DPP6: variants seen among roughly 807,000 people sequenced by gnomAD.
The protein encoded by DPP6 is dipeptidyl peptidase like 6.
A neutral mutation model predicts 122.6 loss-of-function variants in DPP6; 69 were observed. The observed-to-expected ratio is 0.56, with a 90% CI of 0.46 to 0.69. The LOEUF is 0.69. Among genes scored for constraint, DPP6 ranks in the 30% least tolerant of loss-of-function variants. The pLI, the probability that DPP6 is intolerant of heterozygous loss-of-function variation, is 0.00. For missense variants in DPP6, 928 were observed against 1,116.9 expected (o/e 0.83, Z 2.41); for synonymous variants, 418 against 433.1 (o/e 0.97, Z 0.43).
chr7:153,801,319 A>C, the DPP6 span, among the ~76,000 whole-genome samples: 1 of 150,162 alleles, frequency 6.7e-6, no homozygotes, highest in African/African-American at 2.5e-5. Context: ...AAAAATGACC[A>C]TCCATCCTCA....
chr7:154,857,401 C>T (rs944256073), intron 17 of DPP6, among the ~76,000 whole-genome samples: 1 of 152,176 alleles, frequency 6.6e-6, no homozygotes, highest in Admixed American at 6.5e-5. Context: ...GCACGAATGG[C>T]TTTGAGTCCA....
intron 1 of DPP6, among the ~76,000 whole-genome samples, chr7:154,417,372 G>A (rs1053805515): frequency 1.3e-5 from 2 of 152,196 alleles, no homozygotes; most frequent in African/African-American, 4.8e-5. Context: ...CACGTACCAA[G>A]CACTGGAGGT....
chr7:154,223,114 T>G (rs1467605817), intron 1 of DPP6, among the ~76,000 whole-genome samples: 1 of 148,978 alleles, frequency 6.7e-6, no homozygotes, highest in Admixed American at 6.6e-5. Flanking sequence ...TTGGCATTTT[T>G]GCATGTACAA....
the DPP6 span, among the ~76,000 whole-genome samples, chr7:153,813,141 G>A: frequency 6.6e-6 from 1 of 151,874 alleles, no homozygotes; most frequent in Non-Finnish European, 1.5e-5. Context: ...TTAGCATTAG[G>A]TATATCTCCT....
At position 154,446,331 on chromosome 7, in the gene DPP6, A is replaced by G. The variant is rs765362225; in HGVS notation, c.358+3A>G. 2 of 1,604,252 alleles carry G rather than the reference A, an allele frequency of 1.2e-6. No individual in the cohort carries two copies. Among genetic ancestry groups the G allele is most frequent in the Non-Finnish European group, 1.7e-6 (2 of 1,174,574 alleles). ...CTCGGTCATACTTCTGACACCAGGTACTGTATTCATTCTTGGAAAAGCAAG... is the reference window on the plus strand; with the variant it reads ...CTCGGTCATACTTCTGACACCAGGTGCTGTATTCATTCTTGGAAAAGCAAG... On this transcript the variant is annotated splice_donor_region_variant and intron_variant, in intron 2 of 25. Coordinates refer to ENST00000377770, the MANE Select transcript of DPP6 (RefSeq NM_130797.4).
At chr7:154,273,715 A>C (rs184702420) in intron 1 of DPP6, among the ~76,000 whole-genome samples, 61 of 152,330 alleles carry the variant, frequency 4.0e-4, no homozygotes, top group African/African-American at 1.4e-3. Flanking sequence ...AAGTGTAAAG[A>C]GATCAGAAAA....
At chr7:154,130,821 TA>T (rs201499524) in intron 1 of DPP6, among the ~76,000 whole-genome samples, 5 of 150,470 alleles carry the variant, frequency 3.3e-5, no homozygotes, top group African/African-American at 7.3e-5. Flanking sequence ...AGCTCCACAA[TA>T]AAAAAAAATA....
At chr7:154,246,044 A>T (rs1801963938) in intron 1 of DPP6, among the ~76,000 whole-genome samples, 1 of 152,220 alleles carries the variant, frequency 6.6e-6, no homozygotes, top group Admixed American at 6.5e-5. Flanking sequence ...AATCTTAAAG[A>T]TTATGTCCTT....
chr7:154,292,816 A>G (rs990921021), intron 1 of DPP6, among the ~76,000 whole-genome samples: 1 of 152,250 alleles, frequency 6.6e-6, no homozygotes, highest in Non-Finnish European at 1.5e-5. Flanking sequence ...ACACAAAACA[A>G]TACCTTTCTG....
At chr7:154,189,110 A>C (rs1270581243) in intron 1 of DPP6, among the ~76,000 whole-genome samples, 1 of 152,200 alleles carries the variant, frequency 6.6e-6, no homozygotes, top group Non-Finnish European at 1.5e-5. Context: ...CATTTTCTGC[A>C]GGTTGTTAGG....
intron 16 of DPP6, among the ~76,000 whole-genome samples, chr7:154,836,853 C>A (rs1243779909): frequency 6.6e-6 from 1 of 152,116 alleles, no homozygotes; most frequent in Non-Finnish European, 1.5e-5. Context: ...ATTACAGGTG[C>A]CTGCCACCAC....
At chr7:153,777,824 C>A in the DPP6 span, among the ~76,000 whole-genome samples, 1 of 141,664 alleles carries the variant, frequency 7.1e-6, no homozygotes, top group Non-Finnish European at 1.5e-5. Flanking sequence ...GTAGTTAATA[C>A]GTGATTTTAT....
chr7:154,148,037 C>T (rs868452319), intron 1 of DPP6, among the ~76,000 whole-genome samples: 5 of 150,204 alleles, frequency 3.3e-5, no homozygotes, highest in African/African-American at 1.0e-4. Flanking sequence ...ACCAGCACTC[C>T]ATGAATTTTA....
chr7:154,875,656 C>A lies in DPP6; in HGVS notation c.1884-250C>A, dbSNP rs1051380033. 6.6e-6 allele frequency among the ~76,000 whole-genome samples: 1 copy of A among 152,116 alleles called. No homozygotes were observed. The highest frequency in any genetic ancestry group is 2.4e-5 in the African/African-American group (1 of 41,434). ...GCTTTTTGGTGGCCGTCCCAGACAG[C>A]GCCGGTGTGTGTAGGGATGGCCCTG... On this transcript the variant is annotated intron_variant, in intron 19 of 25. Coordinates refer to ENST00000377770, the MANE Select transcript of DPP6 (RefSeq NM_130797.4). The surrounding 1 kb of genome is among the most constrained non-coding windows in gnomAD (Gnocchi z 4.5).
chr7:154,364,219 C>CA (rs1811968778), intron 1 of DPP6, among the ~76,000 whole-genome samples: 1 of 152,124 alleles, frequency 6.6e-6, no homozygotes, highest in East Asian at 1.9e-4. Context: ...CCAACTTTGA[C>CA]AAAAAAGTGG....
the DPP6 span, among the ~76,000 whole-genome samples, chr7:153,796,030 C>A: frequency 7.0e-6 from 1 of 143,398 alleles, no homozygotes; most frequent in Admixed American, 7.2e-5. Flanking sequence ...TTTCATGGCC[C>A]AGAATTGGGT....
intron 16 of DPP6, among the ~76,000 whole-genome samples, chr7:154,835,271 G>A (rs1384302403): frequency 2.0e-5 from 3 of 152,174 alleles, no homozygotes; most frequent in Admixed American, 2.0e-4. Context: ...GCTGCTGTGC[G>A]ACGTCAGAGG....
the DPP6 span, among the ~76,000 whole-genome samples, chr7:153,876,328 T>C: frequency 6.6e-6 from 1 of 152,006 alleles, no homozygotes; most frequent in African/African-American, 2.4e-5. Flanking sequence ...ACTACATCTG[T>C]CATTTCAGAA....
In DPP6 at chr7:154,241,283, CTATGTTTTCCATTAAAG is replaced by C. The variant is rs1031523854; in HGVS notation, c.243+188237_243+188253del. Among the ~76,000 whole-genome samples, 9 of 150,250 alleles carry C rather than the reference CTATGTTTTCCATTAAAG, an allele frequency of 6.0e-5. No individual in the cohort carries two copies. The highest frequency in any genetic ancestry group is 9.8e-5 in the African/African-American group (4 of 40,776). On this transcript the variant is annotated intron_variant, in intron 1 of 25. Coordinates refer to ENST00000377770, the MANE Select transcript of DPP6 (RefSeq NM_130797.4). The surrounding 1 kb of genome is among the most constrained non-coding windows in gnomAD (Gnocchi z 9.0). ...TTTAGGAAGACAAACATATTCATAA[CTATGTTTTCCATTAAAG>C]TATGTTTTCCATTAAAATGTACTAA...
Sources: gnomAD v4.1 joint callset for allele counts (sites outside exome capture counted in the v4.1 genomes callset) on GRCh38, gnomAD v4.1.1 for gene constraint, Gnocchi (gnomAD v3.1) non-coding constraint, MANE v1.5 for transcripts, NCBI Gene and HGNC (gene_info 2026-07-23, HGNC 2026-07-21) for gene names.